Variants in SLCO1B3 observed in about 807,000 individuals in gnomAD.
The protein encoded by SLCO1B3 is liver-specific organic anion transporter 2.
Under a neutral mutation model 71.8 loss-of-function variants are expected in SLCO1B3, and 72 were observed. The ratio of observed to expected loss-of-function variants is 1.00; its 90% CI spans 0.83 to 1.22. The LOEUF is 1.22. Ranked by LOEUF, SLCO1B3 falls within the 50% of genes most tolerant of loss-of-function variation. SLCO1B3 has a pLI of 0.00. For synonymous variants in SLCO1B3, 298 were observed against 278.4 expected (o/e 1.07, Z -0.70); for missense variants, 911 against 819.7 (o/e 1.11, Z -1.36).
chr12:20,853,491 T>G (rs757992432), intron 3 of SLCO1B3, among the ~76,000 whole-genome samples: 1 of 152,072 alleles, frequency 6.6e-6, no homozygotes, highest in African/African-American at 2.4e-5. Context: ...TATTCATTTA[T>G]TCTATGTTTT....
At chr12:20,862,002 A>T (rs1222375753) in intron 6 of SLCO1B3, among the ~76,000 whole-genome samples, 1 of 152,178 alleles carries the variant, frequency 6.6e-6, no homozygotes, top group East Asian at 1.9e-4. Context: ...GGAAACTATT[A>T]TTCAACACAC....
intron 3 of SLCO1B3, among the ~76,000 whole-genome samples, chr12:20,834,076 A>T (rs867815958): frequency 1.4e-5 from 2 of 146,142 alleles, no homozygotes; most frequent in South Asian, 2.1e-4. Context: ...ATATAAATAT[A>T]TATAAATATA....
intron 3 of SLCO1B3, among the ~76,000 whole-genome samples, chr12:20,841,018 C>G (rs1864787971): frequency 6.6e-6 from 1 of 152,074 alleles, no homozygotes; most frequent in African/African-American, 2.4e-5. Context: ...AATTGGTCCC[C>G]CTGGAGTTAT....
At chr12:20,827,172 C>T (rs1450346706) in intron 3 of SLCO1B3, among the ~76,000 whole-genome samples, 1 of 151,988 alleles carries the variant, frequency 6.6e-6, no homozygotes, top group Non-Finnish European at 1.5e-5. Flanking sequence ...GCTTTATAAC[C>T]CTCATGCCAA....
intron 3 of SLCO1B3, among the ~76,000 whole-genome samples, chr12:20,825,253 T>A (rs1033196994): frequency 6.6e-6 from 1 of 152,154 alleles, no homozygotes; most frequent in Non-Finnish European, 1.5e-5. Context: ...GTAATTTATA[T>A]GGAAACTCTG....
At chr12:20,860,020 A>T in intron 5 of SLCO1B3, among the ~76,000 whole-genome samples, 1 of 139,444 alleles carries the variant, frequency 7.2e-6, no homozygotes, top group East Asian at 2.1e-4. Context: ...CAGTGGCGCG[A>T]TCTCGGCTCA....
chr12:20,827,355 A>T (rs1024104808), intron 3 of SLCO1B3, among the ~76,000 whole-genome samples: 2 of 152,192 alleles, frequency 1.3e-5, no homozygotes, highest in African/African-American at 4.8e-5. Flanking sequence ...TTGAAAAAGC[A>T]TTTGGGCTTT....
At chr12:20,894,470 C>T (rs893896283) in intron 13 of SLCO1B3, among the ~76,000 whole-genome samples, 2 of 152,240 alleles carry the variant, frequency 1.3e-5, no homozygotes, top group Admixed American at 1.3e-4. Flanking sequence ...CAGGCCAGCT[C>T]TTAGGAAAAT....
chr12:20,890,573 G>A (rs753548810), intron 13 of SLCO1B3, among the ~76,000 whole-genome samples: 5 of 152,130 alleles, frequency 3.3e-5, no homozygotes, highest in South Asian at 2.1e-4. Flanking sequence ...TTTCTTTGTC[G>A]ATTTTTGGCT....
chr12:20,865,854 C>T (rs1238626059), intron 8 of SLCO1B3, among the ~76,000 whole-genome samples: 1 of 152,036 alleles, frequency 6.6e-6, no homozygotes, highest in Non-Finnish European at 1.5e-5. Flanking sequence ...TTCCCAGTCA[C>T]AGTATTAAAT....
chr12:20,857,418 C>G (rs1865163032), intron 4 of SLCO1B3, among the ~76,000 whole-genome samples: 1 of 151,588 alleles, frequency 6.6e-6, no homozygotes, highest in Admixed American at 6.6e-5. Context: ...AATATTTTTC[C>G]TTTAAAATTT....
At chr12:20,914,080 T>C (rs1260098985) in intron 15 of SLCO1B3, among the ~76,000 whole-genome samples, 1 of 152,102 alleles carries the variant, frequency 6.6e-6, no homozygotes, top group African/African-American at 2.4e-5. Context: ...GGTCTTTTAA[T>C]TGGTGTATTT....
At chr12:20,856,509 T>C (rs1865140224) in intron 4 of SLCO1B3, among the ~76,000 whole-genome samples, 1 of 152,214 alleles carries the variant, frequency 6.6e-6, no homozygotes, top group Non-Finnish European at 1.5e-5. Context: ...AGAGATGATA[T>C]AAAGCATACA....
intron 14 of SLCO1B3, among the ~76,000 whole-genome samples, chr12:20,900,732 G>A (rs1304398545): frequency 2.6e-5 from 4 of 152,144 alleles, no homozygotes; most frequent in African/African-American, 9.7e-5. Flanking sequence ...GCTGAATTGT[G>A]GGCTCTGATG....
At chr12:20,898,994 C>T (rs1228112910) in intron 14 of SLCO1B3, among the ~76,000 whole-genome samples, 1 of 152,096 alleles carries the variant, frequency 6.6e-6, no homozygotes, top group Non-Finnish European at 1.5e-5. Flanking sequence ...GGACAGCTAA[C>T]CATTAGCAGG....
chr12:20,810,993 A>G (rs189381720), intron 1 of SLCO1B3, among the ~76,000 whole-genome samples: 36 of 152,248 alleles, frequency 2.4e-4, no homozygotes, highest in African/African-American at 7.2e-4. Context: ...TACCTTTATA[A>G]AGTGAAAAAT....
chr12:20,825,869 A>G (rs1314013366), intron 3 of SLCO1B3, among the ~76,000 whole-genome samples: 1 of 151,890 alleles, frequency 6.6e-6, no homozygotes, highest in South Asian at 2.1e-4. Context: ...CTTTAAAAGC[A>G]ACACAGAAAG....
chr12:20,859,496 T>TCCCC (rs1565592106), intron 5 of SLCO1B3, among the ~76,000 whole-genome samples: 9 of 146,958 alleles, frequency 6.1e-5, no homozygotes, highest in Admixed American at 1.4e-4. Flanking sequence ...TTTTTCCCCC[T>TCCCC]CTACATTTGG....
intron 15 of SLCO1B3, among the ~76,000 whole-genome samples, chr12:20,915,529 T>C (rs919847969): frequency 3.9e-5 from 6 of 152,222 alleles, no homozygotes; most frequent in Non-Finnish European, 5.9e-5. Flanking sequence ...TGCAAATTTT[T>C]CTTGACAGCC....
Sources: allele counts gnomAD v4.1 joint callset (sites outside exome capture counted in the v4.1 genomes callset), GRCh38; gene constraint gnomAD v4.1.1; transcripts MANE v1.5; gene names NCBI Gene and HGNC (gene_info 2026-07-23, HGNC 2026-07-21).